RNF6: variants seen among roughly 807,000 people sequenced by gnomAD.
RNF6 encodes E3 ubiquitin-protein ligase RNF6.
In RNF6, 21 loss-of-function variants were observed where a neutral mutation model predicts 50.1. The ratio of observed to expected loss-of-function variants is 0.42; its 90% CI spans 0.30 to 0.60. RNF6 has a LOEUF of 0.60. Among genes scored for constraint, RNF6 ranks in the 20% least tolerant of loss-of-function variants. RNF6 has a pLI of 0.20. For synonymous variants in RNF6, 255 were observed against 291.8 expected, an observed-to-expected ratio of 0.87 and a Z score of 1.29; for missense variants, 698 against 838.2, an observed-to-expected ratio of 0.83 and a Z score of 2.07.
intron 5 of RNF6, among the ~76,000 whole-genome samples, chr13:26,169,315 G>C (rs1872582422): frequency 6.6e-6 from 1 of 152,178 alleles, no homozygotes; most frequent in African/African-American, 2.4e-5. Context: ...GTATGGGAGG[G>C]AGAAGGGCAA....
At chr13:26,196,588 G>A (rs904601549) in intron 5 of RNF6, among the ~76,000 whole-genome samples, 3 of 150,382 alleles carry the variant, frequency 2.0e-5, no homozygotes, top group Admixed American at 6.6e-5. Context: ...AGCAGAGACC[G>A]TGCCACTGCC....
At chr13:26,161,080 A>G (rs1430161834) in intron 5 of RNF6, among the ~76,000 whole-genome samples, 1 of 152,196 alleles carries the variant, frequency 6.6e-6, no homozygotes, top group African/African-American at 2.4e-5. Context: ...AAAAGAAAAA[A>G]AAGTTATCCT....
At chr13:26,175,736 C>A (rs1270930683) in intron 5 of RNF6, among the ~76,000 whole-genome samples, 4 of 152,126 alleles carry the variant, frequency 2.6e-5, no homozygotes, top group African/African-American at 9.7e-5. Context: ...ACCTTCCCCT[C>A]AGCTTCCTAG....
intron 5 of RNF6, among the ~76,000 whole-genome samples, chr13:26,181,487 A>G (rs1164477847): frequency 6.6e-6 from 1 of 152,182 alleles, no homozygotes; most frequent in South Asian, 2.1e-4. Flanking sequence ...GGTGGCCTGC[A>G]CAGCCATAAC....
chr13:26,140,084 A>C (rs1870859408), intron 5 of RNF6, among the ~76,000 whole-genome samples: 1 of 152,228 alleles, frequency 6.6e-6, no homozygotes. Flanking sequence ...TCTCTTTGTT[A>C]ATACTTTCCA....
At chr13:26,201,466 G>T (rs8000542) in intron 5 of RNF6, among the ~76,000 whole-genome samples, 7,350 of 152,196 alleles carry the variant, frequency 0.048, 556 homozygotes, top group African/African-American at 0.17. Context: ...CAACAATAAC[G>T]GAGGCAGAAG....
intron 5 of RNF6, among the ~76,000 whole-genome samples, chr13:26,189,455 T>C (rs1331268432): frequency 6.6e-6 from 1 of 152,246 alleles, no homozygotes. Flanking sequence ...ATTTTTTGTT[T>C]ATGTATATCT....
intron 5 of RNF6, among the ~76,000 whole-genome samples, chr13:26,142,027 CAAGAA>C (rs1870979765): frequency 6.6e-6 from 1 of 151,978 alleles, no homozygotes; most frequent in Admixed American, 6.6e-5. Flanking sequence ...AATAAATCAA[CAAGAA>C]AATAACCCAA....
chr13:26,220,285 G>A (rs2137799871), intron 2 of RNF6, among the ~76,000 whole-genome samples: 1 of 152,264 alleles, frequency 6.6e-6, no homozygotes, highest in Non-Finnish European at 1.5e-5. Flanking sequence ...AAGACATCAT[G>A]TATGGCTCAA....
At chr13:26,217,995 AG>A (rs1870071365) in intron 4 of RNF6, among the ~76,000 whole-genome samples, 1 of 152,220 alleles carries the variant, frequency 6.6e-6, no homozygotes, top group South Asian at 2.1e-4. Context: ...ACCTCTGAGG[AG>A]GGAAGTAGAA....
intron 5 of RNF6, among the ~76,000 whole-genome samples, chr13:26,205,069 C>T (rs1869055244): frequency 6.6e-6 from 1 of 152,138 alleles, no homozygotes; most frequent in Non-Finnish European, 1.5e-5. Context: ...GCCCAAACTT[C>T]CCCAAAGTCC....
chr13:26,200,712 C>G (rs1868866625), intron 5 of RNF6, among the ~76,000 whole-genome samples: 1 of 152,062 alleles, frequency 6.6e-6, no homozygotes, highest in Non-Finnish European at 1.5e-5. Context: ...GCCTGAAATT[C>G]TTAATAATTT....
chr13:26,195,368 CA>C (rs532631016), intron 5 of RNF6, among the ~76,000 whole-genome samples: 1 of 148,516 alleles, frequency 6.7e-6, no homozygotes, highest in African/African-American at 2.5e-5. Context: ...AGGACAAAGA[CA>C]AAAAAAACCA....
rs1869633717 is a variant in RNF6, at chr13:26,214,569, C to T, written c.1313G>A (p.Ser438Asn). The T allele has an allele frequency of 1.2e-6, 2 of 1,614,206 alleles. No individual in the cohort carries two copies. Among genetic ancestry groups the T allele is most frequent in the African/African-American group, 1.3e-5 (1 of 75,072 alleles). Residue 438 changes from serine to asparagine, a missense_variant, in exon 5 of 5, where the codon AGT becomes AAT. By Grantham distance (46) the Ser-to-Asn change is conservative. Coordinates refer to ENST00000381588, the MANE Select transcript of RNF6 (RefSeq NM_005977.4). Reference protein sequence around the residue: ...AENTVTIESNSGGFRRTISRL... With the variant: ...AENTVTIESNNGGFRRTISRL... ...AGAAATGGTTCGGCGAAAGCCCCCA[C>T]TATTGCTTTCAATAGTGACTGTATT...
intron 5 of RNF6, among the ~76,000 whole-genome samples, chr13:26,169,354 G>A (rs1481453977): frequency 6.6e-6 from 1 of 152,058 alleles, no homozygotes; most frequent in Non-Finnish European, 1.5e-5. Context: ...AGGGGAGGAG[G>A]GCAAGGGGAG....
chr13:26,169,610 G>T (rs141679833), intron 5 of RNF6, among the ~76,000 whole-genome samples: 6 of 152,008 alleles, frequency 3.9e-5, no homozygotes, highest in Middle Eastern at 3.4e-3. Context: ...GTCTCTTGCC[G>T]GCCTTAAGAC....
At position 26,215,125 on chromosome 13, in the gene RNF6, T is replaced by C. The variant is rs1255820235; in HGVS notation, c.757A>G (p.Thr253Ala). 19 of 1,614,118 alleles carry C rather than the reference T, an allele frequency of 1.2e-5. No homozygotes were observed. The highest frequency in any genetic ancestry group is 1.7e-5 in the Admixed American group (1 of 59,996). Residue 253 changes from threonine to alanine, a missense_variant, in exon 5 of 5, where the codon ACT becomes GCT. Physicochemically the swap from Thr to Ala is moderately conservative, Grantham distance 58. Coordinates refer to ENST00000381588, the MANE Select transcript of RNF6 (RefSeq NM_005977.4). The part of the protein sequence containing the change: ...AGIPRANASR[T>A]NFSSHTNQSG... ...TGGTTTGTGTGACTACTGAAATTAG[T>C]GCGTGAAGCGTTAGCTCGAGGAATG... is the stretch of plus-strand genomic sequence containing the variant.
Position 26,167,999 on chromosome 13 carries a change from AAC to A in RNF6, n.769-35550_769-35549del, listed in dbSNP as rs1224795536. Among the ~76,000 whole-genome samples, 13 of 152,334 alleles carry A rather than the reference AAC, an allele frequency of 8.5e-5. No homozygotes were observed. In the East Asian group the frequency reaches 2.5e-3, roughly 29 times the overall value. The stretch of plus-strand genomic sequence containing the variant: ...CCACAAGTGGGAGCTAAATGATGAG[AAC>A]ACATGGACACAAAGAGGAAAACAAG... On this transcript the variant is annotated intron_variant and non_coding_transcript_variant, in intron 5 of 5. Coordinates refer to the RNF6 transcript ENST00000468480.
intron 5 of RNF6, among the ~76,000 whole-genome samples, chr13:26,134,875 T>C (rs1018961620): frequency 1.3e-5 from 2 of 152,200 alleles, no homozygotes; most frequent in African/African-American, 4.8e-5. Context: ...AGACTACATA[T>C]GTTTCTGTAT....
Sources: allele counts gnomAD v4.1 joint callset (sites outside exome capture counted in the v4.1 genomes callset), GRCh38; gene constraint gnomAD v4.1.1; transcripts MANE v1.5; gene names NCBI Gene and HGNC (gene_info 2026-07-23, HGNC 2026-07-21).